The following CAPZA1 variants were observed in gnomAD, a reference collection of about 807,000 sequenced individuals.
The protein encoded by CAPZA1 is F-actin-capping protein subunit alpha-1.
CAPZA1 carries 10 observed loss-of-function variants against 40.8 expected under a neutral mutation model. The observed-to-expected ratio is 0.25, with a 90% CI of 0.15 to 0.42. CAPZA1 has a LOEUF of 0.42. Among genes scored for constraint, CAPZA1 ranks in the 10% least tolerant of loss-of-function variants. The pLI, the probability that CAPZA1 is intolerant of heterozygous loss-of-function variation, is 1.00. For missense variants in CAPZA1, 277 were observed against 353.8 expected, an observed-to-expected ratio of 0.78 and a Z score of 1.74; for synonymous variants, 98 against 115.0, an observed-to-expected ratio of 0.85 and a Z score of 0.95.
intron 1 of CAPZA1, among the ~76,000 whole-genome samples, chr1:112,640,014 G>A (rs1392092855): frequency 4.7e-5 from 6 of 127,300 alleles, no homozygotes; most frequent in African/African-American, 1.8e-4. Context: ...AGGGAGGTGG[G>A]GGGGTCAGCC....
At chr1:112,625,056 G>A (rs1670779243) in intron 1 of CAPZA1, among the ~76,000 whole-genome samples, 1 of 152,094 alleles carries the variant, frequency 6.6e-6, no homozygotes, top group Non-Finnish European at 1.5e-5. Context: ...TATCTCTCCA[G>A]TTCACACCCC....
At chr1:112,646,431 G>A (rs10745332) in intron 1 of CAPZA1, among the ~76,000 whole-genome samples, 117,235 of 152,092 alleles carry the variant, frequency 0.77, 45,386 homozygotes, top group South Asian at 0.88. Context: ...AAATTACGAA[G>A]TTAGGTGTGG....
rs1389287705 is a variant in CAPZA1, at chr1:112,635,456, T to G, written c.40-11754T>G. 2.6e-5 allele frequency among the ~76,000 whole-genome samples: 4 copies of G among 152,074 alleles called. No individual in the cohort carries two copies. In the East Asian group the frequency reaches 7.7e-4, roughly 29 times the overall value. Reference sequence around the variant, plus strand: ...TGTGGATATTATCTAGCGAAAGAATTCTCCCTTTTCTGTCTAGAATTATCC... The same window carrying G: ...TGTGGATATTATCTAGCGAAAGAATGCTCCCTTTTCTGTCTAGAATTATCC... On this transcript the variant is annotated intron_variant, in intron 1 of 9. Coordinates refer to ENST00000263168, the MANE Select transcript of CAPZA1 (RefSeq NM_006135.3).
intron 3 of CAPZA1, among the ~76,000 whole-genome samples, chr1:112,653,212 G>T (rs774644544): frequency 1.2e-4 from 18 of 152,168 alleles, no homozygotes; most frequent in Non-Finnish European, 2.1e-4. Flanking sequence ...TGCACCTGTA[G>T]TCCCAGCTAC....
At chr1:112,659,627 T>G (rs1173670309) in intron 6 of CAPZA1, 74 bp from the exon 7 acceptor site, 5 of 1,148,768 alleles carry the variant, frequency 4.4e-6, no homozygotes, top group Non-Finnish European at 6.5e-6. Flanking sequence ...TCCCAACTTC[T>G]GTACCTCAGT....
chr1:112,633,344 C>G (rs1410194804), intron 1 of CAPZA1, among the ~76,000 whole-genome samples: 2 of 151,604 alleles, frequency 1.3e-5, no homozygotes, highest in African/African-American at 4.8e-5. Context: ...ATACAGTATT[C>G]ATCTTTCTGT....
chr1:112,621,010 G>C lies in CAPZA1; in HGVS notation c.39+1127G>C, dbSNP rs4838960. The stretch of plus-strand genomic sequence containing the variant: ...GGTGTTTTTTTCAATAAGAAGTTGG[G>C]ATGGGAAGGGGACTGTTATGATCCA... On this transcript the variant is annotated intron_variant, in intron 1 of 9. Coordinates refer to ENST00000263168, the MANE Select transcript of CAPZA1 (RefSeq NM_006135.3). Among the ~76,000 whole-genome samples the C allele has an allele frequency of 9.2e-5, 14 of 152,166 alleles. No homozygotes were observed. In the South Asian group the frequency reaches 2.7e-3, roughly 29 times the overall value.
At chr1:112,638,241 A>C (rs1425268612) in intron 1 of CAPZA1, among the ~76,000 whole-genome samples, 1 of 152,148 alleles carries the variant, frequency 6.6e-6, no homozygotes, top group East Asian at 1.9e-4. Context: ...CTGAGGCATG[A>C]GTGTAGCTGT....
intron 1 of CAPZA1, among the ~76,000 whole-genome samples, chr1:112,643,327 C>T (rs1426247266): frequency 6.6e-6 from 1 of 152,106 alleles, no homozygotes; most frequent in Non-Finnish European, 1.5e-5. Flanking sequence ...ATATAAGGAG[C>T]CTTATGGAGC....
At chr1:112,649,153 C>G (rs1671339139) in intron 2 of CAPZA1, among the ~76,000 whole-genome samples, 1 of 152,186 alleles carries the variant, frequency 6.6e-6, no homozygotes, top group Admixed American at 6.5e-5. Flanking sequence ...CATTTAAATA[C>G]AGAATTAACA....
In CAPZA1 at chr1:112,649,403, A is replaced by AT. The variant is rs1417171738; in HGVS notation, c.104-10dup. 6.2e-7 allele frequency: 1 copy of AT among 1,606,468 alleles called. No individual in the cohort carries two copies. Among genetic ancestry groups the AT allele is most frequent in the Admixed American group, 1.7e-5 (1 of 59,600 alleles). On this transcript the variant is annotated splice_polypyrimidine_tract_variant and intron_variant, in intron 2 of 9. Coordinates refer to ENST00000263168, the MANE Select transcript of CAPZA1 (RefSeq NM_006135.3). ...TTTATCCTCCACTGAACATTGTAAC[A>AT]TTTTTCCTCCTCAGACGTTCGGCTA...
chr1:112,659,846 T>A, intron 7 of CAPZA1, 67 bp downstream of exon 7: 2 of 1,254,230 alleles, frequency 1.6e-6, no homozygotes, highest in South Asian at 2.5e-5. Flanking sequence ...GTTGCTTTGG[T>A]ATTAAATAAG....
At position 112,629,474 on chromosome 1, in the gene CAPZA1, G is replaced by A. The variant is rs1490010853; in HGVS notation, c.39+9591G>A. On this transcript the variant is annotated intron_variant, in intron 1 of 9. Transcript: ENST00000263168. ...TAAACTCCATGAGGACAGTATGCTA[G>A]TGAGTCACCATTGCCTAAAACATAG... 3.3e-5 allele frequency among the ~76,000 whole-genome samples: 5 copies of A among 152,180 alleles called. No individual in the cohort carries two copies. In the South Asian group the frequency reaches 8.3e-4, roughly 25 times the overall value.
intron 1 of CAPZA1, among the ~76,000 whole-genome samples, chr1:112,628,826 C>G (rs1355742412): frequency 6.6e-6 from 1 of 152,224 alleles, no homozygotes; most frequent in East Asian, 1.9e-4. Context: ...ACTACTATTT[C>G]TTTCACAATC....
chr1:112,624,941 A>T (rs946136343), intron 1 of CAPZA1, among the ~76,000 whole-genome samples: 1 of 152,200 alleles, frequency 6.6e-6, no homozygotes, highest in Admixed American at 6.5e-5. Context: ...GAGTTCCTTG[A>T]TAATTGAAAC....
chr1:112,659,574 T>G, intron 6 of CAPZA1, 127 bp from the exon 7 acceptor site: 2 of 638,318 alleles, frequency 3.1e-6, no homozygotes, highest in Non-Finnish European at 5.2e-6. Context: ...AAATGACAGT[T>G]TCTCTCTCTC....
At chr1:112,668,543 G>C (rs999562227) in intron 8 of CAPZA1, among the ~76,000 whole-genome samples, 1 of 152,050 alleles carries the variant, frequency 6.6e-6, no homozygotes, top group Non-Finnish European at 1.5e-5. Flanking sequence ...GCCCAGGCTG[G>C]AGCACTGTCT....
In CAPZA1 at chr1:112,653,651, A is replaced by G. The variant is rs1671444412; in HGVS notation, c.209A>G (p.Tyr70Cys). ...TTCACGCCTGTGAAGATAGAAGGATATGAAGATCAGGTAATAATTGCCTTT... is the reference window on the plus strand; with the variant it reads ...TTCACGCCTGTGAAGATAGAAGGATGTGAAGATCAGGTAATAATTGCCTTT... ...DQFTPVKIEG[Y>C]EDQVLITEHG... Residue 70 changes from tyrosine (Y) to cysteine (C), a missense_variant, in exon 4 of 10, where the codon TAT becomes TGT. Physicochemically the swap from Tyr to Cys is radical, Grantham distance 194. Around this residue, in one of 2 missense-constraint regions of CAPZA1, gnomAD observed 192 missense variants for 277.2 expected, o/e 0.69. Transcript: ENST00000263168. 2 of 1,603,588 alleles carry G rather than the reference A, an allele frequency of 1.2e-6. No individual in the cohort carries two copies. Among genetic ancestry groups the G allele is most frequent in the East Asian group, 2.2e-5 (1 of 44,606 alleles).
intron 1 of CAPZA1, among the ~76,000 whole-genome samples, chr1:112,625,372 T>G (rs1670785743): frequency 6.6e-6 from 1 of 152,102 alleles, no homozygotes; most frequent in South Asian, 2.1e-4. Context: ...GTACTCTCCT[T>G]TAGCGATCAG....
Sources: gnomAD v4.1 joint callset for allele counts (sites outside exome capture counted in the v4.1 genomes callset) on GRCh38, gnomAD v4.1.1 for gene constraint, gnomAD v4.1.1 regional missense constraint, MANE v1.5 for transcripts, NCBI Gene and HGNC (gene_info 2026-07-23, HGNC 2026-07-21) for gene names.